Variants in PCDH15 observed in about 807,000 individuals in gnomAD.
The protein encoded by PCDH15 is protocadherin-15.
A neutral mutation model predicts 178.5 loss-of-function variants in PCDH15; 129 were observed. The observed-to-expected ratio is 0.72, with a 90% CI of 0.63 to 0.84. The LOEUF (loss-of-function observed/expected upper bound fraction) is 0.84. Among genes scored for constraint, PCDH15 ranks in the 40% least tolerant of loss-of-function variants. PCDH15 has a pLI of 0.00. For synonymous variants in PCDH15, 800 were observed against 732.0 expected (o/e 1.09, Z -1.50); for missense variants, 2,230 against 2,099.9 (o/e 1.06, Z -1.21).
intron 13 of PCDH15, among the ~76,000 whole-genome samples, chr10:54,154,849 TA>T (rs2044933352): frequency 6.6e-6 from 1 of 152,148 alleles, no homozygotes; most frequent in South Asian, 2.1e-4. Context: ...GCGACTTGTA[TA>T]AGCCTGACAG....
At chr10:53,983,391 T>C (rs1444148554) in intron 21 of PCDH15, among the ~76,000 whole-genome samples, 2 of 151,800 alleles carry the variant, frequency 1.3e-5, no homozygotes, top group African/African-American at 4.8e-5. Flanking sequence ...GGCGGAACTC[T>C]TCATGTAACC....
intron 2 of PCDH15, among the ~76,000 whole-genome samples, chr10:55,428,138 G>A (rs1223209175): frequency 1.3e-5 from 2 of 151,926 alleles, no homozygotes; most frequent in Non-Finnish European, 2.9e-5. Context: ...AGAATGAAGT[G>A]TTTGACCTAA....
At chr10:54,527,530 A>G (rs2083470863) in intron 3 of PCDH15, among the ~76,000 whole-genome samples, 1 of 152,158 alleles carries the variant, frequency 6.6e-6, no homozygotes, top group South Asian at 2.1e-4. Flanking sequence ...GTCAACTTCC[A>G]GCCCATATCT....
chr10:54,170,537 C>T (rs1465965817), intron 13 of PCDH15, among the ~76,000 whole-genome samples: 1 of 151,366 alleles, frequency 6.6e-6, no homozygotes, highest in African/African-American at 2.5e-5. Context: ...TTCTGCTTCC[C>T]AGCTCCTTCA....
intron 1 of PCDH15, among the ~76,000 whole-genome samples, chr10:54,752,517 C>A (rs111883402): frequency 0.066 from 5,491 of 83,598 alleles, 1,226 homozygotes; most frequent in Non-Finnish European, 0.086. Flanking sequence ...AAAAAACAAA[C>A]AAACAAACAA....
intron 1 of PCDH15, among the ~76,000 whole-genome samples, chr10:54,708,433 TA>T (rs1390273372): frequency 9.9e-5 from 15 of 152,218 alleles, no homozygotes; most frequent in African/African-American, 1.2e-4. Context: ...ATCCAGATGA[TA>T]AAACATATAA....
At chr10:54,208,510 A>T (rs111683383) in intron 10 of PCDH15, among the ~76,000 whole-genome samples, 3 of 151,910 alleles carry the variant, frequency 2.0e-5, no homozygotes, top group Non-Finnish European at 4.4e-5. Flanking sequence ...TCACCCTCTC[A>T]CCCTCTCATC....
At chr10:53,924,644 A>G (rs2084331554) in intron 25 of PCDH15, among the ~76,000 whole-genome samples, 1 of 152,218 alleles carries the variant, frequency 6.6e-6, no homozygotes, top group Non-Finnish European at 1.5e-5. Context: ...TGGGCTCCTG[A>G]GTCTAGTGGG....
intron 15 of PCDH15, among the ~76,000 whole-genome samples, chr10:54,128,260 G>T (rs1175164703): frequency 6.6e-6 from 1 of 152,068 alleles, no homozygotes; most frequent in Admixed American, 6.6e-5. Context: ...GTTACATCTT[G>T]ATATGCATAC....
chr10:54,812,764 A>C (rs1285475038), intron 3 of PCDH15, among the ~76,000 whole-genome samples: 2 of 151,880 alleles, frequency 1.3e-5, no homozygotes, highest in Admixed American at 1.3e-4. Context: ...GCCTTTTTAA[A>C]ATATTATTAT....
chr10:55,282,104 T>C (rs1306546069), intron 1 of PCDH15, among the ~76,000 whole-genome samples: 1 of 152,166 alleles, frequency 6.6e-6, no homozygotes, highest in Non-Finnish European at 1.5e-5. Flanking sequence ...TTCCTCTATT[T>C]GAACTATCAA....
chr10:55,037,061 C>T (rs1357857171), intron 2 of PCDH15, among the ~76,000 whole-genome samples: 7 of 152,142 alleles, frequency 4.6e-5, no homozygotes, highest in Non-Finnish European at 8.8e-5. Context: ...AATAGTTAGA[C>T]ATTTTTCCCA....
chr10:55,454,722 T>C (rs1179775805), intron 2 of PCDH15, among the ~76,000 whole-genome samples: 1 of 149,394 alleles, frequency 6.7e-6, no homozygotes, highest in African/African-American at 2.5e-5. Flanking sequence ...GAGGCGGAGC[T>C]TGCAGTGAGC....
chr10:54,524,210 C>G (rs1305317699), intron 3 of PCDH15, among the ~76,000 whole-genome samples: 2 of 152,126 alleles, frequency 1.3e-5, no homozygotes, highest in Non-Finnish European at 2.9e-5. Context: ...TCAGATTTAC[C>G]TTTCATTTCC....
intron 5 of PCDH15, among the ~76,000 whole-genome samples, chr10:54,356,857 T>C (rs1424854139): frequency 1.3e-5 from 2 of 152,098 alleles, no homozygotes; most frequent in Non-Finnish European, 2.9e-5. Context: ...TGGTTCAATA[T>C]ACACAAATCA....
At chr10:55,050,451 T>C (rs978251062) in intron 2 of PCDH15, among the ~76,000 whole-genome samples, 3 of 152,000 alleles carry the variant, frequency 2.0e-5, no homozygotes, top group Non-Finnish European at 2.9e-5. Flanking sequence ...CAAAACACTG[T>C]CCTATGAGCT....
chr10:54,112,289 T>G (rs529451584), intron 15 of PCDH15, among the ~76,000 whole-genome samples: 17 of 152,150 alleles, frequency 1.1e-4, no homozygotes, highest in Non-Finnish European at 2.4e-4. Flanking sequence ...GGATTTCCTG[T>G]GCATTTAGGG....
At chr10:54,816,347 T>C (rs1952950036) in intron 3 of PCDH15, among the ~76,000 whole-genome samples, 1 of 152,044 alleles carries the variant, frequency 6.6e-6, no homozygotes, top group South Asian at 2.1e-4. Context: ...ATCTAGTAGA[T>C]TATTTGAGAG....
At chr10:53,904,107 A>G (rs938301681) in intron 25 of PCDH15, among the ~76,000 whole-genome samples, 1 of 152,204 alleles carries the variant, frequency 6.6e-6, no homozygotes, top group Non-Finnish European at 1.5e-5. Context: ...GGTACTTGTC[A>G]CTAGTCCAAT....
Sources: allele counts gnomAD v4.1 joint callset (sites outside exome capture counted in the v4.1 genomes callset), GRCh38; gene constraint gnomAD v4.1.1; transcripts MANE v1.5; gene names NCBI Gene and HGNC (gene_info 2026-07-23, HGNC 2026-07-21).